The following C14orf132 variants were observed in gnomAD, a reference collection of about 807,000 sequenced individuals.
C14orf132 encodes uncharacterized protein C14orf132.
C14orf132 carries 6 observed loss-of-function variants against 5.8 expected under a neutral mutation model. That is an observed-to-expected ratio of 1.03 (90% CI 0.57 to 2.04). C14orf132 has a LOEUF of 2.04. Ranked by LOEUF, C14orf132 falls within the 30% of genes most tolerant of loss-of-function variation. The probability of loss-of-function intolerance (pLI) is 0.00; values close to 1 mark genes in which losing one functional copy is unlikely to be tolerated. For synonymous variants in C14orf132, 51 were observed against 49.8 expected, an observed-to-expected ratio of 1.02 and a Z score of -0.10; for missense variants, 125 against 115.8, an observed-to-expected ratio of 1.08 and a Z score of -0.37.
In C14orf132 at chr14:96,091,910, G is replaced by A. The variant is rs1399501655; in HGVS notation, c.*5175G>A. The A allele has an allele frequency of 6.6e-6, 1 of 152,224 alleles. No individual in the cohort carries two copies. Among genetic ancestry groups the A allele is most frequent in the East Asian group, 1.9e-4 (1 of 5,196 alleles). The allele number at this position is 152,224 out of a possible 1,614,324, so 9.4% of individuals were successfully genotyped here. ...TTATCACAGCACCTTCTCATTCCCA[G>A]CGCGTCCTTCTGAGCTCAGACCTTG... On this transcript the variant is annotated 3_prime_UTR_variant, in exon 2 of 2. Transcript: ENST00000555004.
intron 1 of C14orf132, among the ~76,000 whole-genome samples, chr14:96,071,691 G>T (rs532175076): frequency 1.1e-4 from 17 of 152,324 alleles, no homozygotes; most frequent in Admixed American, 7.2e-4. Context: ...CACCCTGAGG[G>T]ATGGTGCCAC....
In C14orf132 at chr14:96,087,769, A is replaced by C. The variant is rs1888244443; in HGVS notation, c.*1034A>C. On this transcript the variant is annotated 3_prime_UTR_variant, in exon 2 of 2. Transcript: ENST00000555004. ...GCTCAGATACCCGTCCTTTACATTC[A>C]GTGTGGATACCGTGCATTCTCCTGA... The C allele has an allele frequency of 6.6e-6, 1 of 152,118 alleles. No homozygotes were observed. The highest frequency in any genetic ancestry group is 2.4e-5 in the African/African-American group (1 of 41,418). 9.4% of individuals were successfully genotyped at this position (152,118 alleles called of 1,614,324 possible). A position where few individuals can be genotyped will look rare whatever the true frequency, so the allele number is the denominator to read the frequency against.
At chr14:96,082,360 C>A (rs1566836069) in intron 1 of C14orf132, among the ~76,000 whole-genome samples, 1 of 152,316 alleles carries the variant, frequency 6.6e-6, no homozygotes, top group East Asian at 1.9e-4. Flanking sequence ...TCATTCTGAC[C>A]ACAAGCCAGC....
chr14:96,076,558 GA>G (rs1393660619), intron 1 of C14orf132, among the ~76,000 whole-genome samples: 1 of 152,038 alleles, frequency 6.6e-6, no homozygotes, highest in Non-Finnish European at 1.5e-5. Context: ...CACATTGGAA[GA>G]AGAAGAATTG....
intron 1 of C14orf132, among the ~76,000 whole-genome samples, chr14:96,070,860 C>A (rs1221645719): frequency 6.6e-6 from 1 of 152,122 alleles, no homozygotes; most frequent in Non-Finnish European, 1.5e-5. Flanking sequence ...GTTTCTCCAT[C>A]CCTAGGGTAG....
chr14:96,086,785 G>A lies in C14orf132; in HGVS notation c.*50G>A, dbSNP rs1421176647. On this transcript the variant is annotated 3_prime_UTR_variant, in exon 2 of 2. Coordinates refer to ENST00000555004, the MANE Select transcript of C14orf132 (RefSeq NM_001252507.3). ...GGGGTGAGGCTTGGCACGTAGCTCT[G>A]ACTTGCTGTCGGCCTTTGGCTTCTC... 2.0e-6 allele frequency: 3 copies of A among 1,505,410 alleles called. No individual in the cohort carries two copies. Among genetic ancestry groups the A allele is most frequent in the Non-Finnish European group, 2.7e-6 (3 of 1,122,222 alleles). 93.3% of individuals were successfully genotyped at this position (1,505,410 alleles called of 1,614,324 possible).
intron 1 of C14orf132, among the ~76,000 whole-genome samples, chr14:96,045,583 G>C (rs1886811935): frequency 6.6e-6 from 1 of 152,234 alleles, no homozygotes; most frequent in Non-Finnish European, 1.5e-5. Flanking sequence ...TGGAGCTCTA[G>C]CCCCTTGCTC....
At chr14:96,084,840 G>C (rs1236851424) in intron 1 of C14orf132, among the ~76,000 whole-genome samples, 1 of 152,158 alleles carries the variant, frequency 6.6e-6, no homozygotes, top group Non-Finnish European at 1.5e-5. Context: ...TAGGTGCCGA[G>C]TGCCTCCTGG....
In C14orf132 at chr14:96,090,159, G is replaced by C. The variant is rs1038748366; in HGVS notation, c.*3424G>C. On this transcript the variant is annotated 3_prime_UTR_variant, in exon 2 of 2. Coordinates refer to ENST00000555004, the MANE Select transcript of C14orf132 (RefSeq NM_001252507.3). ...CTCACACCCGTAATCCCGGCACTTT[G>C]GGAGGCCGAGGCGGGCAGGGACAGG... The C allele has an allele frequency of 6.2e-6, 1 of 160,124 alleles. No individual in the cohort carries two copies. Among genetic ancestry groups the C allele is most frequent in the Non-Finnish European group, 1.4e-5 (1 of 73,668 alleles). 9.9% of individuals were successfully genotyped at this position (160,124 alleles called of 1,614,324 possible).
intron 1 of C14orf132, among the ~76,000 whole-genome samples, chr14:96,077,814 A>T (rs931339129): frequency 5.3e-5 from 8 of 152,230 alleles, no homozygotes; most frequent in African/African-American, 1.9e-4. Flanking sequence ...TGTGTCTTGC[A>T]GGTGCACCCC....
At chr14:96,062,043 C>T (rs925359152) in intron 1 of C14orf132, among the ~76,000 whole-genome samples, 1 of 152,282 alleles carries the variant, frequency 6.6e-6, no homozygotes. Flanking sequence ...TCCCCCTTAA[C>T]GAGGAGTTAG....
Position 96,089,081 on chromosome 14 carries a change from T to G in C14orf132, c.*2346T>G, listed in dbSNP as rs1365963502. 1.3e-5 allele frequency: 2 copies of G among 152,324 alleles called. No homozygotes were observed. The highest frequency in any genetic ancestry group is 2.4e-5 in the African/African-American group (1 of 41,470). 9.4% of individuals were successfully genotyped at this position (152,324 alleles called of 1,614,324 possible). A position where few individuals can be genotyped will look rare whatever the true frequency, so the allele number is the denominator to read the frequency against. On this transcript the variant is annotated 3_prime_UTR_variant, in exon 2 of 2. Transcript: ENST00000555004. The stretch of plus-strand genomic sequence containing the variant: ...GGGGTTGCCCCATCTTGGTCTCCTG[T>G]GGTTTCTTCATCAGCTTTTTTTTTA...
chr14:96,060,720 G>A (rs1361231097), intron 1 of C14orf132, among the ~76,000 whole-genome samples: 5 of 152,108 alleles, frequency 3.3e-5, no homozygotes, highest in Non-Finnish European at 7.4e-5. Context: ...TTGGCCAGAG[G>A]CCTCTTCTCT....
At position 96,039,418 on chromosome 14, in the gene C14orf132, C is replaced by T. The variant is rs1343084071; in HGVS notation, c.-83C>T. The T allele has an allele frequency of 7.3e-7, 1 of 1,377,490 alleles. No individual in the cohort carries two copies. The highest frequency in any genetic ancestry group is 9.5e-7 in the Non-Finnish European group (1 of 1,049,120). The allele number at this position is 1,377,490 out of a possible 1,614,324, so 85.3% of individuals were successfully genotyped here. On this transcript the variant is annotated 5_prime_UTR_variant, in exon 1 of 2. Transcript: ENST00000555004. This position sits in a 1 kb window ranked among gnomAD's most constrained non-coding sequence, Gnocchi z 5.3. ...GGTCTCCGGACGCTCGCTGCTCAGC[C>T]CGATCCCCGCCAACTGTGCAGGCGG...
At chr14:96,067,698 T>TA (rs751845099) in intron 1 of C14orf132, among the ~76,000 whole-genome samples, 4,624 of 135,970 alleles carry the variant, frequency 0.034, 219 homozygotes, top group Admixed American at 0.13. Flanking sequence ...AAACTCCGCC[T>TA]AAAAAAAAAA....
chr14:96,068,105 T>C (rs760230936), intron 1 of C14orf132, among the ~76,000 whole-genome samples: 1 of 152,200 alleles, frequency 6.6e-6, no homozygotes, highest in Non-Finnish European at 1.5e-5. Context: ...ATGGAAACAT[T>C]AGTCAAGGAG....
At chr14:96,069,852 C>T (rs1887652590) in intron 1 of C14orf132, among the ~76,000 whole-genome samples, 1 of 152,232 alleles carries the variant, frequency 6.6e-6, no homozygotes, top group African/African-American at 2.4e-5. Context: ...CACCAACCAA[C>T]CTTTATTTTT....
intron 1 of C14orf132, among the ~76,000 whole-genome samples, chr14:96,060,694 A>C (rs1428789611): frequency 1.3e-5 from 2 of 152,088 alleles, no homozygotes; most frequent in Non-Finnish European, 2.9e-5. Flanking sequence ...AGAGGCAGGA[A>C]CTTCACCTCT....
chr14:96,040,048 G>A (rs998382342), intron 1 of C14orf132, among the ~76,000 whole-genome samples: 1 of 151,808 alleles, frequency 6.6e-6, no homozygotes, highest in African/African-American at 2.4e-5. Flanking sequence ...CCCGCCAAGC[G>A]TCGACGCGCC....
Sources: allele counts gnomAD v4.1 joint callset (sites outside exome capture counted in the v4.1 genomes callset), GRCh38; gene constraint gnomAD v4.1.1; non-coding constraint Gnocchi (gnomAD v3.1); transcripts MANE v1.5; gene names NCBI Gene and HGNC (gene_info 2026-07-23, HGNC 2026-07-21).